The following FBXL14 variants were observed in gnomAD, a reference collection of about 807,000 sequenced individuals.
FBXL14 encodes the protein F-box/LRR-repeat protein 14.
In FBXL14, 11 loss-of-function variants were observed where a neutral mutation model predicts 24.5. The observed-to-expected ratio is 0.45, with a 90% confidence interval of 0.28 to 0.74. FBXL14 has a LOEUF of 0.74. Ranked by LOEUF, FBXL14 falls within the 30% of genes least tolerant of loss-of-function variation. The pLI, the probability that FBXL14 is intolerant of heterozygous loss-of-function variation, is 0.12. For missense variants in FBXL14, 384 were observed against 545.6 expected (o/e 0.70, Z 2.95); for synonymous variants, 294 against 240.4 (o/e 1.22, Z -2.06).
chr12:1,575,015 C>T (rs2094453215), intron 1 of FBXL14, among the ~76,000 whole-genome samples: 1 of 152,032 alleles, frequency 6.6e-6, no homozygotes. Flanking sequence ...GGGATCTAAA[C>T]ACATCATCTA....
intron 1 of FBXL14, among the ~76,000 whole-genome samples, chr12:1,573,082 C>T (rs542616904): frequency 3.3e-5 from 5 of 152,214 alleles, no homozygotes; most frequent in Non-Finnish European, 5.9e-5. Flanking sequence ...CTGTGGGATA[C>T]ACTAGTAAGA....
chr12:1,589,465 GCA>G (rs2094484466), intron 1 of FBXL14, among the ~76,000 whole-genome samples: 1 of 122,756 alleles, frequency 8.1e-6, no homozygotes, highest in African/African-American at 3.6e-5. Flanking sequence ...AGACAGGAAG[GCA>G]GGAAGACAGG....
In FBXL14 at chr12:1,593,014, G is replaced by C; in HGVS notation, c.1053C>G (p.Ile351Met). Residue 351 changes from isoleucine (I) to methionine (M), a missense_variant, in exon 1 of 2, where the codon ATC becomes ATG. Coordinates refer to ENST00000339235, the MANE Select transcript of FBXL14 (RefSeq NM_152441.3). The surrounding 1 kb of genome is among the most constrained non-coding windows in gnomAD (Gnocchi z 7.4). Reference protein sequence around the residue: ...VRITDKGLELIAEHLSQLTGI... With the variant: ...VRITDKGLELMAEHLSQLTGI... ...CGGTGAGTTGGCTCAGGTGCTCAGC[G>C]ATCAGCTCCAGGCCCTTGTCCGTGA... 2 of 1,612,446 alleles carry C rather than the reference G, an allele frequency of 1.2e-6. No homozygotes were observed. The highest frequency in any genetic ancestry group is 2.2e-5 in the East Asian group (1 of 44,886).
intron 1 of FBXL14, chr12:1,574,603 G>A: frequency 4.6e-6 from 1 of 219,418 alleles, no homozygotes; most frequent in Non-Finnish European, 9.2e-6. Flanking sequence ...ACCCTGCTAA[G>A]TAGCCAGAAA....
intron 1 of FBXL14, among the ~76,000 whole-genome samples, chr12:1,590,021 A>G (rs917567198): frequency 1.3e-5 from 2 of 152,248 alleles, no homozygotes; most frequent in Non-Finnish European, 2.9e-5. Context: ...ACAGCCATGC[A>G]GTCTCTTGGA....
rs1421571137 is a variant in FBXL14, at chr12:1,579,300, G to A, written c.1195-12490C>T. 5.9e-5 allele frequency among the ~76,000 whole-genome samples: 9 copies of A among 151,936 alleles called. 1 individual carries two copies. Among genetic ancestry groups the A allele is most frequent in the Admixed American group, 3.9e-4 (6 of 15,214 alleles). On this transcript the variant is annotated intron_variant, in intron 1 of 1. Transcript: ENST00000339235. This position sits in a 1 kb window ranked among gnomAD's most constrained non-coding sequence, Gnocchi z 4.3. ...TATATCAATAAGGCATCATACTGAC[G>A]AAAACAAAACCAGAGGTTTTAAAAA...
Position 1,568,843 on chromosome 12 carries a change from A to G in FBXL14, c.1195-2033T>C, listed in dbSNP as rs369725932. 3.3e-5 allele frequency among the ~76,000 whole-genome samples: 5 copies of G among 152,282 alleles called. No homozygotes were observed. In the South Asian group the frequency reaches 1.0e-3, roughly 32 times the overall value. ...GCCATTGCCCTCCAGCCTGGGTGAC[A>G]GAGACTCCATCTCAAAAAACAAAAA... is the stretch of plus-strand genomic sequence containing the variant. On this transcript the variant is annotated intron_variant, in intron 1 of 1. Coordinates refer to ENST00000339235, the MANE Select transcript of FBXL14 (RefSeq NM_152441.3).
chr12:1,591,602 A>G (rs2094490299), intron 1 of FBXL14, among the ~76,000 whole-genome samples: 1 of 152,178 alleles, frequency 6.6e-6, no homozygotes, highest in South Asian at 2.1e-4. Flanking sequence ...CTCAGAAGTG[A>G]TTTCTTTAAA....
intron 1 of FBXL14, among the ~76,000 whole-genome samples, chr12:1,572,469 C>T (rs1178512402): frequency 6.6e-6 from 1 of 152,106 alleles, no homozygotes; most frequent in Non-Finnish European, 1.5e-5. Flanking sequence ...TTTTTGTTAC[C>T]AAGTAAGATG....
chr12:1,588,731 A>G (rs988287030), intron 1 of FBXL14, among the ~76,000 whole-genome samples: 11 of 152,152 alleles, frequency 7.2e-5, no homozygotes, highest in African/African-American at 2.4e-4. Flanking sequence ...AGTTTACATT[A>G]TGTTTTTTCA....
chr12:1,586,753 C>T (rs1175595233), intron 1 of FBXL14, among the ~76,000 whole-genome samples: 3 of 152,196 alleles, frequency 2.0e-5, no homozygotes. Flanking sequence ...AGAAACCGAA[C>T]ATTGTGTTAT....
rs375665787 is a variant in FBXL14, at chr12:1,567,472, C to CA, written c.1195-663dup. 9.2e-5 allele frequency among the ~76,000 whole-genome samples: 14 copies of CA among 151,928 alleles called. No homozygotes were observed. Among genetic ancestry groups the CA allele is most frequent in the African/African-American group, 3.4e-4 (14 of 41,344 alleles). ...CGCCACTGTACTGCAGCCTGGGCGA[C>CA]AGAGTGGTACTCTGTCTCAAAAATA... On this transcript the variant is annotated intron_variant, in intron 1 of 1. Transcript: ENST00000339235. The surrounding 1 kb of genome is among the most constrained non-coding windows in gnomAD (Gnocchi z 4.8).
At chr12:1,577,280 A>G (rs1215597692) in intron 1 of FBXL14, among the ~76,000 whole-genome samples, 1 of 152,116 alleles carries the variant, frequency 6.6e-6, no homozygotes, top group South Asian at 2.1e-4. Flanking sequence ...GGCACTTGCC[A>G]CCTCACTGCT....
chr12:1,580,190 C>CAAA (rs2094463472), intron 1 of FBXL14, among the ~76,000 whole-genome samples: 2 of 152,208 alleles, frequency 1.3e-5, no homozygotes, highest in Non-Finnish European at 2.9e-5. Context: ...TCTTGCCCTC[C>CAAA]AAAGCCTGGG....
intron 1 of FBXL14, among the ~76,000 whole-genome samples, chr12:1,585,199 C>G (rs1041438935): frequency 6.6e-6 from 1 of 151,978 alleles, no homozygotes; most frequent in Non-Finnish European, 1.5e-5. Context: ...GAGATCGAGA[C>G]CATCCTGACT....
intron 1 of FBXL14, among the ~76,000 whole-genome samples, chr12:1,591,259 C>A (rs1193069209): frequency 4.6e-5 from 7 of 151,932 alleles, no homozygotes; most frequent in African/African-American, 1.7e-4. Context: ...ACCTTGCGTC[C>A]TCTTAGAGTA....
chr12:1,572,281 T>G (rs146061553), intron 1 of FBXL14, among the ~76,000 whole-genome samples: 68 of 152,358 alleles, frequency 4.5e-4, no homozygotes, highest in Non-Finnish European at 8.8e-4. Flanking sequence ...GCACTCAAAG[T>G]GCACGATACG....
At chr12:1,582,805 C>A (rs2094469261) in intron 1 of FBXL14, among the ~76,000 whole-genome samples, 1 of 152,202 alleles carries the variant, frequency 6.6e-6, no homozygotes, top group Non-Finnish European at 1.5e-5. Flanking sequence ...CACTTCTACA[C>A]CTGCCCTTCC....
At chr12:1,591,757 A>G (rs2094490677) in intron 1 of FBXL14, among the ~76,000 whole-genome samples, 1 of 152,194 alleles carries the variant, frequency 6.6e-6, no homozygotes. Flanking sequence ...GGGGCTCTGC[A>G]GGCCAGCTCT....
Sources: allele counts gnomAD v4.1 joint callset (sites outside exome capture counted in the v4.1 genomes callset), GRCh38; gene constraint gnomAD v4.1.1; non-coding constraint Gnocchi (gnomAD v3.1); transcripts MANE v1.5; gene names NCBI Gene and HGNC (gene_info 2026-07-23, HGNC 2026-07-21).